The following TRAF1 variants were observed in gnomAD, a reference collection of about 807,000 sequenced individuals.
TRAF1 encodes TNF receptor associated factor 1, also known as TNF receptor-associated factor 1.
In TRAF1, 23 loss-of-function variants were observed where a neutral mutation model predicts 40.9. The observed-to-expected ratio is 0.56, with a 90% CI of 0.40 to 0.80. TRAF1 has a LOEUF of 0.80. TRAF1 is among the 30% of genes least tolerant of loss of function. The pLI, the probability that TRAF1 is intolerant of heterozygous loss-of-function variation, is 0.00. For missense variants in TRAF1, 477 were observed against 528.7 expected (o/e 0.90, Z 0.96); for synonymous variants, 206 against 218.8 (o/e 0.94, Z 0.52).
intron 5 of TRAF1, 121 bp downstream of exon 5, chr9:120,913,207 T>G (rs932807790): frequency 8.1e-7 from 1 of 1,234,094 alleles, no homozygotes; most frequent in South Asian, 1.6e-5. Flanking sequence ...AAAGGGGAGA[T>G]ACGTTTTGAT....
chr9:120,911,359 C>G lies in TRAF1; in HGVS notation c.860G>C (p.Arg287Thr), dbSNP rs1336651547. The G allele has an allele frequency of 6.2e-7, 1 of 1,613,422 alleles. No homozygotes were observed. Among genetic ancestry groups the G allele is most frequent in the Non-Finnish European group, 8.5e-7 (1 of 1,179,984 alleles). ...TRRCHESACG[R>T]TVSLFSPAFY... ...ACCTGGGGAGAAGAGGCTGACGGTC[C>G]TGCCACAGGCCGACTCATGGCACCG... Residue 287 changes from arginine to threonine, a missense_variant, in exon 6 of 8, where the codon AGG becomes ACG. Coordinates refer to ENST00000373887, the MANE Select transcript of TRAF1 (RefSeq NM_005658.5).
chr9:120,921,955 G>GCTGA, intron 3 of TRAF1, among the ~76,000 whole-genome samples: 1 of 152,200 alleles, frequency 6.6e-6, no homozygotes. Context: ...GCCTTGCAGA[G>GCTGA]CTGACTTAAT....
chr9:120,905,998 C>CG (rs761421259), intron 7 of TRAF1, among the ~76,000 whole-genome samples: 15 of 113,762 alleles, frequency 1.3e-4, no homozygotes, highest in Admixed American at 2.0e-4. Flanking sequence ...TTGGGAACTG[C>CG]CGGGGGTAGG....
chr9:120,905,538 G>C (rs10818485), intron 7 of TRAF1, among the ~76,000 whole-genome samples: 104,460 of 152,142 alleles, frequency 0.69, 36,156 homozygotes, highest in South Asian at 0.82. Context: ...CCAGTCAAGT[G>C]TGACTGGCTG....
intron 2 of TRAF1, among the ~76,000 whole-genome samples, chr9:120,925,271 G>T (rs2046631643): frequency 6.6e-6 from 1 of 152,208 alleles, no homozygotes; most frequent in African/African-American, 2.4e-5. Flanking sequence ...GATCATAATA[G>T]TATCCACCCC....
intron 3 of TRAF1, among the ~76,000 whole-genome samples, chr9:120,917,075 A>T (rs2046574520): frequency 6.6e-6 from 1 of 152,212 alleles, no homozygotes; most frequent in Non-Finnish European, 1.5e-5. Flanking sequence ...GGTGGAGGGG[A>T]TGTGTCTTTC....
At chr9:120,919,301 A>T (rs1202267762) in intron 3 of TRAF1, among the ~76,000 whole-genome samples, 2 of 152,094 alleles carry the variant, frequency 1.3e-5, no homozygotes, top group Non-Finnish European at 2.9e-5. Context: ...CTGAGGGAAC[A>T]CTCGTTCTTC....
rs114748420 is a variant in TRAF1, at chr9:120,911,624, T to C, written c.706-111A>G. The C allele has an allele frequency of 1.7e-3, 2,189 of 1,283,190 alleles. 41 individuals carry two copies. The African/African-American group carries it at 0.029, about 17-fold the overall frequency. 79.5% of individuals were successfully genotyped at this position (1,283,190 alleles called of 1,614,324 possible). A position where few individuals can be genotyped will look rare whatever the true frequency, so the allele number is the denominator to read the frequency against. ...CCAGATGTGTTTTGCTGACCACGCC[T>C]CACTCAGGTGTGCGTCTGCATCTGA... On this transcript the variant is annotated intron_variant, in intron 5 of 7. Coordinates refer to ENST00000373887, the MANE Select transcript of TRAF1 (RefSeq NM_005658.5).
intron 7 of TRAF1, among the ~76,000 whole-genome samples, chr9:120,907,067 G>A (rs555101143): frequency 8.5e-5 from 13 of 152,204 alleles, no homozygotes; most frequent in South Asian, 8.3e-4. Context: ...ACAGGGTTTC[G>A]TTATGGCTGG....
intron 3 of TRAF1, among the ~76,000 whole-genome samples, chr9:120,923,082 G>A (rs1000157228): frequency 5.9e-5 from 9 of 152,146 alleles, no homozygotes; most frequent in African/African-American, 7.2e-5. Flanking sequence ...CAAGCTCTCC[G>A]CCCACCTCGG....
intron 7 of TRAF1, among the ~76,000 whole-genome samples, chr9:120,907,768 T>G (rs1282864145): frequency 6.6e-6 from 1 of 152,252 alleles, no homozygotes; most frequent in Non-Finnish European, 1.5e-5. Context: ...GAAGTTTTCC[T>G]TATTTACCCC....
chr9:120,921,669 G>A (rs548230178), intron 3 of TRAF1, among the ~76,000 whole-genome samples: 10 of 152,122 alleles, frequency 6.6e-5, no homozygotes, highest in East Asian at 5.8e-4. Context: ...CTCTTACCAC[G>A]TTGCAGAGTG....
Position 120,904,657 on chromosome 9 carries a change from C to A in TRAF1, c.*363G>T. Reference sequence around the variant, plus strand: ...GCGGCCCTGCAGAGATCTTCCTAGCCCGAGAGCTTCTCTGCTTGGGTCCTA... The same window carrying A: ...GCGGCCCTGCAGAGATCTTCCTAGCACGAGAGCTTCTCTGCTTGGGTCCTA... On this transcript the variant is annotated 3_prime_UTR_variant, in exon 8 of 8. Coordinates refer to ENST00000373887, the MANE Select transcript of TRAF1 (RefSeq NM_005658.5). 1 of 272,492 alleles carries A rather than the reference C, an allele frequency of 3.7e-6. No individual in the cohort carries two copies. Among genetic ancestry groups the A allele is most frequent in the Non-Finnish European group, 7.2e-6 (1 of 139,556 alleles). 16.9% of individuals were successfully genotyped at this position (272,492 alleles called of 1,614,324 possible).
At chr9:120,908,426 C>T (rs1342117363) in intron 7 of TRAF1, among the ~76,000 whole-genome samples, 1 of 152,186 alleles carries the variant, frequency 6.6e-6, no homozygotes, top group Non-Finnish European at 1.5e-5. Flanking sequence ...ATTCTCTTTC[C>T]AAACATGTTT....
chr9:120,922,428 T>G (rs2046611428), intron 3 of TRAF1, among the ~76,000 whole-genome samples: 1 of 152,232 alleles, frequency 6.6e-6, no homozygotes, highest in African/African-American at 2.4e-5. Flanking sequence ...GAATTTAGTT[T>G]ACATAAACTG....
upstream of TRAF1, chr9:120,928,295 T>G (rs1197918596): frequency 6.6e-6 from 1 of 152,378 alleles, no homozygotes; most frequent in South Asian, 2.1e-4. Context: ...ACATCTACTC[T>G]CGCCTCACCT....
rs1930779 is a variant in TRAF1 at position 120,922,259 on chromosome 9, T to A, written c.228+1446A>T. Among the ~76,000 whole-genome samples, 884 of 152,334 alleles carry A rather than the reference T, an allele frequency of 5.8e-3. 11 individuals are homozygous for A. Among genetic ancestry groups the A allele is most frequent in the African/African-American group, 0.02 (817 of 41,582 alleles). ...GGACCAATACGAGTGTGTTTTTTTT[T>A]AAATTGAGAGATTAACAAAGAGATT... is the stretch of plus-strand genomic sequence containing the variant. On this transcript the variant is annotated intron_variant, in intron 3 of 7. Transcript: ENST00000373887.
chr9:120,909,164 C>T, intron 7 of TRAF1, 66 bp downstream of exon 7: 1 of 1,562,178 alleles, frequency 6.4e-7, no homozygotes, highest in Non-Finnish European at 8.7e-7. Flanking sequence ...AATTCATTGC[C>T]AAACCAGGAC....
rs999925820 is a variant in TRAF1 at position 120,904,751 on chromosome 9, G to A, written c.*269C>T. 2.0e-6 allele frequency: 1 copy of A among 490,508 alleles called. No homozygotes were observed. Among genetic ancestry groups the A allele is most frequent in the African/African-American group, 1.9e-5 (1 of 51,692 alleles). The allele number at this position is 490,508 out of a possible 1,614,324, so 30.4% of individuals were successfully genotyped here. ...CCACCTCAACATTCGGGGCCGGAGT[G>A]GCTCACTGGCCTCCCAGTGTCGCAT... On this transcript the variant is annotated 3_prime_UTR_variant, in exon 8 of 8. Coordinates refer to ENST00000373887, the MANE Select transcript of TRAF1 (RefSeq NM_005658.5).
Sources: gnomAD v4.1 joint callset for allele counts (sites outside exome capture counted in the v4.1 genomes callset) on GRCh38, gnomAD v4.1.1 for gene constraint, MANE v1.5 for transcripts, NCBI Gene and HGNC (gene_info 2026-07-23, HGNC 2026-07-21) for gene names.